DPYD: variants seen among roughly 807,000 people sequenced by gnomAD.
The protein encoded by DPYD is dihydropyrimidine dehydrogenase [NADP(+)].
A neutral mutation model predicts 116.2 loss-of-function variants in DPYD; 109 were observed. The observed-to-expected ratio is 0.94, with a 90% CI of 0.80 to 1.10. DPYD has a LOEUF of 1.10. Among genes scored for constraint, DPYD ranks in the 50% least tolerant of loss-of-function variants. The pLI, the probability that DPYD is intolerant of heterozygous loss-of-function variation, is 0.00. For synonymous variants in DPYD, 440 were observed against 432.0 expected (o/e 1.02, Z -0.23); for missense variants, 1,302 against 1,254.5 (o/e 1.04, Z -0.57).
At chr1:97,571,244 C>G (rs923012354) in intron 11 of DPYD, among the ~76,000 whole-genome samples, 1 of 151,948 alleles carries the variant, frequency 6.6e-6, no homozygotes, top group Non-Finnish European at 1.5e-5. Context: ...AAAGAAGCAG[C>G]AAGGTAATAG....
chr1:97,616,480 C>T (rs1030246595), intron 8 of DPYD, among the ~76,000 whole-genome samples: 2 of 152,052 alleles, frequency 1.3e-5, no homozygotes, highest in Non-Finnish European at 2.9e-5. Context: ...CATTAAAAGA[C>T]CAGAGAGACC....
intron 20 of DPYD, among the ~76,000 whole-genome samples, chr1:97,131,229 CACA>C (rs1419565188): frequency 6.6e-6 from 1 of 151,886 alleles, no homozygotes. Context: ...CAAAGTTGAG[CACA>C]ACAATATGGT....
intron 12 of DPYD, among the ~76,000 whole-genome samples, chr1:97,537,540 T>C (rs1408754165): frequency 7.2e-6 from 1 of 138,562 alleles, no homozygotes; most frequent in Non-Finnish European, 1.6e-5. Context: ...CAAAAAAGAA[T>C]GTAAAAAATT....
At chr1:97,785,876 G>C (rs1252378521) in intron 3 of DPYD, among the ~76,000 whole-genome samples, 1 of 150,642 alleles carries the variant, frequency 6.6e-6, no homozygotes, top group African/African-American at 2.4e-5. Flanking sequence ...GTATTTTGTA[G>C]TAGAGATGGG....
chr1:97,479,405 G>A (rs1222853608), intron 13 of DPYD, among the ~76,000 whole-genome samples: 1 of 152,168 alleles, frequency 6.6e-6, no homozygotes, highest in Non-Finnish European at 1.5e-5. Flanking sequence ...GAGACAGACA[G>A]AGGAACAGCC....
chr1:97,828,569 G>A (rs545127784), intron 2 of DPYD, among the ~76,000 whole-genome samples: 1 of 151,998 alleles, frequency 6.6e-6, no homozygotes, highest in African/African-American at 2.4e-5. Flanking sequence ...AAACTCAAAA[G>A]AGAAAACCAT....
chr1:97,432,708 G>T (rs1675252810), intron 14 of DPYD, among the ~76,000 whole-genome samples: 1 of 152,052 alleles, frequency 6.6e-6, no homozygotes, highest in Non-Finnish European at 1.5e-5. Flanking sequence ...GAAATTTACA[G>T]AAATAATAGT....
intron 3 of DPYD, among the ~76,000 whole-genome samples, chr1:97,801,708 T>C (rs1667854313): frequency 6.6e-6 from 1 of 151,788 alleles, no homozygotes; most frequent in Non-Finnish European, 1.5e-5. Flanking sequence ...GATCAGCAAA[T>C]GGAAAGGCCC....
At chr1:97,385,107 A>C (rs1208997360) in intron 14 of DPYD, among the ~76,000 whole-genome samples, 1 of 151,930 alleles carries the variant, frequency 6.6e-6, no homozygotes. Flanking sequence ...AAGGGGCACC[A>C]TGTAATTACA....
chr1:97,420,841 A>C (rs1674544648), intron 14 of DPYD, among the ~76,000 whole-genome samples: 1 of 152,160 alleles, frequency 6.6e-6, no homozygotes, highest in Non-Finnish European at 1.5e-5. Context: ...ATCAAGAGTC[A>C]CTTTCTCTGG....
rs72549306 is a variant in DPYD at position 97,593,343 on chromosome 1, C to T, written c.1003G>A (p.Val335Met). Residue 335 changes from valine (V) to methionine (M), a missense_variant, in exon 10 of 23, where the codon GTG (valine) becomes ATG (methionine). Val to Met is a conservative substitution (Grantham distance 21). Transcript: ENST00000370192. ...HSPLPSIRGVVIVLGAGDTAF... is the reference protein window; with the variant it reads ...HSPLPSIRGVMIVLGAGDTAF... ...GTGTCTCCAGCTCCAAGTACAATCA[C>T]GACTCCCCGTATCGATGGCAATGGA... 2.2e-5 allele frequency: 36 copies of T among 1,613,996 alleles called. No homozygotes were observed. The East Asian group carries it at 5.6e-4, about 25-fold the overall frequency.
At chr1:97,274,466 A>G (rs1664804861) in intron 18 of DPYD, among the ~76,000 whole-genome samples, 1 of 152,150 alleles carries the variant, frequency 6.6e-6, no homozygotes, top group Admixed American at 6.6e-5. Flanking sequence ...TGAGGTCCTC[A>G]CTAGAAGCAG....
chr1:97,614,909 C>T (rs1234292689), intron 8 of DPYD, among the ~76,000 whole-genome samples: 2 of 152,052 alleles, frequency 1.3e-5, no homozygotes, highest in African/African-American at 4.8e-5. Flanking sequence ...ATGCTCTTTC[C>T]ACAATCAAAG....
chr1:97,679,139 C>T lies in DPYD; in HGVS notation c.806G>A (p.Ser269Asn), dbSNP rs768915005. The T allele has an allele frequency of 1.9e-6, 3 of 1,591,732 alleles. No individual in the cohort carries two copies. The highest frequency in any genetic ancestry group is 4.5e-5 in the East Asian group (2 of 44,610). ...KSLSVNEMTL[S>N]TLKEKGYKAA... ...TTTGTAGCCTTTTTCTTTCAAAGTGCTAAGAGTCATTTCATTCACTGAAAG... is the reference window on the plus strand; with the variant it reads ...TTTGTAGCCTTTTTCTTTCAAAGTGTTAAGAGTCATTTCATTCACTGAAAG... The change falls in exon 8 of 23, where the codon AGC (serine) becomes AAC (asparagine). Residue 269 changes from serine (S) to asparagine (N), a missense_variant. Ser to Asn is a conservative substitution (Grantham distance 46, BLOSUM62 1). Coordinates refer to ENST00000370192, the MANE Select transcript of DPYD (RefSeq NM_000110.4).
chr1:97,157,535 A>G (rs1570570345), intron 20 of DPYD, among the ~76,000 whole-genome samples: 1 of 152,272 alleles, frequency 6.6e-6, no homozygotes, highest in South Asian at 2.1e-4. Context: ...TCCTATTATT[A>G]AGTCAGTTCT....
chr1:97,694,233 AT>A (rs1319356541), intron 6 of DPYD, among the ~76,000 whole-genome samples: 1 of 152,238 alleles, frequency 6.6e-6, no homozygotes, highest in African/African-American at 2.4e-5. Flanking sequence ...ATACTGAGAA[AT>A]GTTAGATTTG....
intron 2 of DPYD, among the ~76,000 whole-genome samples, chr1:97,833,527 C>T (rs1445443857): frequency 6.6e-6 from 1 of 152,078 alleles, no homozygotes; most frequent in Non-Finnish European, 1.5e-5. Flanking sequence ...AAAATTGGCT[C>T]TAGCCTCAGA....
chr1:97,824,861 A>T (rs1331084793), intron 3 of DPYD, among the ~76,000 whole-genome samples: 2 of 152,200 alleles, frequency 1.3e-5, no homozygotes, highest in African/African-American at 4.8e-5. Flanking sequence ...CTTGGAAATC[A>T]TATGCCTTCC....
intron 10 of DPYD, among the ~76,000 whole-genome samples, chr1:97,587,576 C>T (rs930230805): frequency 7.9e-5 from 12 of 151,922 alleles, no homozygotes; most frequent in African/African-American, 2.7e-4. Flanking sequence ...CGGTAATCCC[C>T]GCACTTTGGG....
Sources: allele counts gnomAD v4.1 joint callset (sites outside exome capture counted in the v4.1 genomes callset), GRCh38; gene constraint gnomAD v4.1.1; transcripts MANE v1.5; gene names NCBI Gene and HGNC (gene_info 2026-07-23, HGNC 2026-07-21).